Variants in DACH1 observed in about 807,000 individuals in gnomAD.
DACH1 encodes the protein dachshund homolog 1.
Under a neutral mutation model 54.2 loss-of-function variants are expected in DACH1, and 12 were observed. The observed-to-expected ratio is 0.22, with a 90% CI of 0.14 to 0.36. The LOEUF (loss-of-function observed/expected upper bound fraction) is 0.36, where lower values mean the gene tolerates loss of function less well. Ranked by LOEUF, DACH1 falls within the 10% of genes least tolerant of loss-of-function variation. The pLI is 1.00. For missense variants in DACH1, 805 were observed against 929.8 expected (o/e 0.87, Z 1.75); for synonymous variants, 386 against 366.2 (o/e 1.05, Z -0.62).
intron 6 of DACH1, among the ~76,000 whole-genome samples, chr13:71,511,095 A>T (rs1422158189): frequency 1.3e-5 from 2 of 152,072 alleles, no homozygotes; most frequent in Non-Finnish European, 2.9e-5. Context: ...GAATTCTTGT[A>T]GGAGCAATGC....
At chr13:71,515,938 C>A (rs1002899132) in intron 6 of DACH1, among the ~76,000 whole-genome samples, 1 of 151,876 alleles carries the variant, frequency 6.6e-6, no homozygotes, top group Non-Finnish European at 1.5e-5. Flanking sequence ...ATAACAACCA[C>A]TATTTCTCTG....
At chr13:71,677,923 T>C (rs2138693234) in intron 2 of DACH1, among the ~76,000 whole-genome samples, 1 of 152,290 alleles carries the variant, frequency 6.6e-6, no homozygotes, top group Admixed American at 6.5e-5. Context: ...TTTCACCATG[T>C]TGGCCAGGAT....
chr13:71,544,393 C>T (rs907189700), intron 6 of DACH1, among the ~76,000 whole-genome samples: 1 of 152,072 alleles, frequency 6.6e-6, no homozygotes, highest in African/African-American at 2.4e-5. Context: ...CAACAATGTC[C>T]TACGTCCTTT....
chr13:71,796,923 A>C (rs1286107303), intron 1 of DACH1, among the ~76,000 whole-genome samples: 1 of 152,134 alleles, frequency 6.6e-6, no homozygotes, highest in African/African-American at 2.4e-5. Flanking sequence ...TGAAAGAAAT[A>C]ATAAAAATAG....
At chr13:71,549,936 T>C (rs1883702012) in intron 6 of DACH1, among the ~76,000 whole-genome samples, 1 of 152,156 alleles carries the variant, frequency 6.6e-6, no homozygotes, top group African/African-American at 2.4e-5. Context: ...ATTAAATAAA[T>C]AAAGATTATT....
intron 6 of DACH1, among the ~76,000 whole-genome samples, chr13:71,546,117 T>C (rs1340053822): frequency 6.6e-6 from 1 of 152,118 alleles, no homozygotes; most frequent in Non-Finnish European, 1.5e-5. Flanking sequence ...GCTCCATATG[T>C]CAAACAGATC....
intron 1 of DACH1, among the ~76,000 whole-genome samples, chr13:71,748,876 TTCTTTCTTTCTTTCTTTCTTTC>T (rs1304129285): frequency 1.0e-3 from 16 of 15,380 alleles, no homozygotes; most frequent in East Asian, 6.7e-3. Context: ...CTTTCTTTCT[TTCTTTCTTTCTTTCTTTCTTTC>T]TCTTTCTTTC....
chr13:71,820,841 C>A (rs534133004), intron 1 of DACH1, among the ~76,000 whole-genome samples: 1 of 152,212 alleles, frequency 6.6e-6, no homozygotes, highest in African/African-American at 2.4e-5. Flanking sequence ...TAGACTGGAA[C>A]AACCAAAACA....
intron 1 of DACH1, chr13:71,704,604 T>C (rs1882334167): frequency 8.8e-6 from 4 of 452,850 alleles, no homozygotes; most frequent in South Asian, 3.7e-5. Flanking sequence ...TGAGAACCCA[T>C]GGCAGGGAGC....
intron 3 of DACH1, 132 bp from the exon 4 acceptor site, chr13:71,573,144 T>C: frequency 1.1e-6 from 1 of 881,082 alleles, no homozygotes; most frequent in Non-Finnish European, 1.7e-6. Flanking sequence ...AAAATTTCAC[T>C]TACTACTCAG....
intron 6 of DACH1, among the ~76,000 whole-genome samples, chr13:71,544,350 T>C (rs546048877): frequency 2.7e-4 from 41 of 152,304 alleles, no homozygotes; most frequent in African/African-American, 9.1e-4. Context: ...TCATTGATTT[T>C]ATTCAAAAAC....
chr13:71,541,925 G>GTTTTTTT (rs397720054), intron 6 of DACH1, among the ~76,000 whole-genome samples: 60 of 105,754 alleles, frequency 5.7e-4, no homozygotes, highest in South Asian at 1.4e-3. Context: ...TATTTGCCCA[G>GTTTTTTT]TTTTTTTTTT....
intron 1 of DACH1, among the ~76,000 whole-genome samples, chr13:71,739,460 T>A (rs1884290921): frequency 6.6e-6 from 1 of 152,228 alleles, no homozygotes; most frequent in Admixed American, 6.5e-5. Context: ...TATATTTTAC[T>A]TAATGTATTC....
At chr13:71,596,112 T>TA (rs1874077297) in intron 3 of DACH1, among the ~76,000 whole-genome samples, 1 of 152,088 alleles carries the variant, frequency 6.6e-6, no homozygotes, top group African/African-American at 2.4e-5. Flanking sequence ...GTATTTTTTT[T>TA]TTATTTCTGG....
At chr13:71,837,976 G>A (rs1473671856) in intron 1 of DACH1, among the ~76,000 whole-genome samples, 2 of 114,354 alleles carry the variant, frequency 1.7e-5, no homozygotes, top group Non-Finnish European at 3.3e-5. Context: ...GACACAGGAA[G>A]GGGAATATCA....
chr13:71,552,826 TATATATATATATATATAGAGAGAGAGAG>T (rs1177212769), intron 6 of DACH1, among the ~76,000 whole-genome samples: 3 of 48,580 alleles, frequency 6.2e-5, no homozygotes, highest in African/African-American at 8.7e-5. Context: ...TATATATATA[TATATATATATATATATAGAGAGAGAGAG>T]AGAGAGAGAG....
chr13:71,716,679 G>T (rs1010340832), intron 1 of DACH1, among the ~76,000 whole-genome samples: 10 of 151,970 alleles, frequency 6.6e-5, no homozygotes, highest in African/African-American at 2.4e-4. Flanking sequence ...TATTATTTTA[G>T]TCTGCCAACA....
intron 1 of DACH1, among the ~76,000 whole-genome samples, chr13:71,729,307 C>A (rs1020820104): frequency 6.6e-6 from 1 of 151,964 alleles, no homozygotes; most frequent in Admixed American, 6.6e-5. Flanking sequence ...TTTCTGAATG[C>A]AATCTATCTA....
chr13:71,521,360 A>C (rs1470407988), intron 6 of DACH1, among the ~76,000 whole-genome samples: 2 of 152,036 alleles, frequency 1.3e-5, no homozygotes, highest in Non-Finnish European at 2.9e-5. Context: ...CATCTTAAAA[A>C]TATACACATA....
Sources: allele counts gnomAD v4.1 joint callset (sites outside exome capture counted in the v4.1 genomes callset), GRCh38; gene constraint gnomAD v4.1.1; transcripts MANE v1.5; gene names NCBI Gene and HGNC (gene_info 2026-07-23, HGNC 2026-07-21).